The following LRRC69 variants were observed in gnomAD, a reference collection of about 807,000 sequenced individuals.
The protein encoded by LRRC69 is leucine-rich repeat-containing protein 69.
In LRRC69, 42 loss-of-function variants were observed where a neutral mutation model predicts 37.8. The ratio of observed to expected loss-of-function variants is 1.11; its 90% CI spans 0.87 to 1.44. The LOEUF (loss-of-function observed/expected upper bound fraction) is 1.44, where lower values mean the gene tolerates loss of function less well. Ranked by LOEUF, LRRC69 falls within the 40% of genes most tolerant of loss-of-function variation. The probability of loss-of-function intolerance (pLI) is 0.00; values close to 1 mark genes in which losing one functional copy is unlikely to be tolerated. For synonymous variants in LRRC69, 141 were observed against 143.1 expected, an observed-to-expected ratio of 0.99 and a Z score of 0.11; for missense variants, 357 against 401.9, an observed-to-expected ratio of 0.89 and a Z score of 0.96.
At chr8:91,183,521 T>C (rs1809356589) in intron 5 of LRRC69, among the ~76,000 whole-genome samples, 1 of 151,904 alleles carries the variant, frequency 6.6e-6, no homozygotes, top group African/African-American at 2.4e-5. Context: ...AAACAGTGAG[T>C]TTGACATGTG....
At chr8:91,137,783 G>T (rs774742389) in intron 5 of LRRC69, among the ~76,000 whole-genome samples, 15 of 151,922 alleles carry the variant, frequency 9.9e-5, no homozygotes, top group Non-Finnish European at 2.1e-4. Context: ...CAAAATCAAA[G>T]TTTCCCACAT....
intron 2 of LRRC69, 137 bp downstream of exon 2, chr8:91,124,756 T>C: frequency 1.5e-6 from 1 of 679,998 alleles, no homozygotes; most frequent in Non-Finnish European, 2.4e-6. Flanking sequence ...ACTCTTGAAA[T>C]ATAGGAGGAG....
At chr8:91,214,291 A>G (rs570611595) in intron 7 of LRRC69, among the ~76,000 whole-genome samples, 1 of 152,294 alleles carries the variant, frequency 6.6e-6, no homozygotes, top group East Asian at 1.9e-4. Context: ...CCCAAGTTGT[A>G]TCTTAGACAT....
At chr8:91,120,155 A>G (rs1004891177) in intron 1 of LRRC69, among the ~76,000 whole-genome samples, 1 of 151,998 alleles carries the variant, frequency 6.6e-6, no homozygotes, top group Non-Finnish European at 1.5e-5. Context: ...GCCCACTTCA[A>G]TTAGACTTTC....
intron 5 of LRRC69, among the ~76,000 whole-genome samples, chr8:91,161,887 G>A (rs4609161): frequency 0.21 from 31,810 of 151,134 alleles, 5,441 homozygotes; most frequent in African/African-American, 0.47. Flanking sequence ...TGTTGTAGGT[G>A]TTCATTGCTA....
At chr8:91,108,714 A>G (rs1251429532) in intron 1 of LRRC69, among the ~76,000 whole-genome samples, 2 of 151,978 alleles carry the variant, frequency 1.3e-5, no homozygotes, top group Non-Finnish European at 1.5e-5. Flanking sequence ...CTAAAATATT[A>G]TGAGATGTTT....
intron 5 of LRRC69, among the ~76,000 whole-genome samples, chr8:91,164,743 C>T (rs1415934629): frequency 6.6e-6 from 1 of 151,616 alleles, no homozygotes; most frequent in East Asian, 1.9e-4. Context: ...CTGAGGCTTT[C>T]AGAAAAGATT....
At chr8:91,206,579 A>G (rs1809809093) in intron 7 of LRRC69, 21 of 807,278 alleles carry the variant, frequency 2.6e-5, no homozygotes, top group Admixed American at 6.6e-5. Flanking sequence ...CCTGCTTTCC[A>G]CTGGTGATGT....
At chr8:91,109,340 G>T (rs988507670) in intron 1 of LRRC69, among the ~76,000 whole-genome samples, 2 of 152,150 alleles carry the variant, frequency 1.3e-5, no homozygotes, top group African/African-American at 4.8e-5. Flanking sequence ...GACCTGCCTT[G>T]ACTCATCTGA....
rs200394381 is a variant in LRRC69, at chr8:91,195,372, G to C, written c.754-5241G>C. Among the ~76,000 whole-genome samples, 5 of 151,414 alleles carry C rather than the reference G, an allele frequency of 3.3e-5. No individual in the cohort carries two copies. The East Asian group carries it at 9.8e-4, about 30-fold the overall frequency. ...ATGTCTATTAGGTCCGCTTGGTGCAGAGCTGAGTTCAATTCCTGGGTATCC... is the reference window on the plus strand; with the variant it reads ...ATGTCTATTAGGTCCGCTTGGTGCACAGCTGAGTTCAATTCCTGGGTATCC... On this transcript the variant is annotated intron_variant, in intron 6 of 7. Transcript: ENST00000448384.
chr8:91,134,747 C>T (rs1476609602), intron 4 of LRRC69, among the ~76,000 whole-genome samples: 1 of 151,988 alleles, frequency 6.6e-6, no homozygotes, highest in African/African-American at 2.4e-5. Context: ...TCATTTGTTC[C>T]AAATAACTCA....
At chr8:91,149,593 TTAAAG>T (rs1231338627) in intron 5 of LRRC69, among the ~76,000 whole-genome samples, 1 of 151,978 alleles carries the variant, frequency 6.6e-6, no homozygotes, top group Non-Finnish European at 1.5e-5. Flanking sequence ...CATATGAACT[TTAAAG>T]TAGTTTTTTC....
intron 5 of LRRC69, among the ~76,000 whole-genome samples, chr8:91,171,796 T>C (rs1809136998): frequency 6.6e-6 from 1 of 152,020 alleles, no homozygotes; most frequent in Non-Finnish European, 1.5e-5. Flanking sequence ...CTGTAGATTA[T>C]TTGGAAAATA....
At chr8:91,208,229 G>A (rs943999991) in intron 7 of LRRC69, among the ~76,000 whole-genome samples, 10 of 152,198 alleles carry the variant, frequency 6.6e-5, no homozygotes, top group Admixed American at 6.5e-4. Context: ...ACTTAGAGTT[G>A]TTGAAGTAGT....
chr8:91,201,055 A>G (rs937358804), intron 7 of LRRC69, among the ~76,000 whole-genome samples: 6 of 152,200 alleles, frequency 3.9e-5, no homozygotes. Flanking sequence ...TAATCAGTAA[A>G]TCCCTTTTGT....
At chr8:91,151,577 TA>T (rs1808738616) in intron 5 of LRRC69, among the ~76,000 whole-genome samples, 1 of 151,828 alleles carries the variant, frequency 6.6e-6, no homozygotes, top group African/African-American at 2.4e-5. Flanking sequence ...AAGTCTTTGC[TA>T]TTGTGAATAG....
intron 5 of LRRC69, among the ~76,000 whole-genome samples, chr8:91,159,419 C>G (rs1808897026): frequency 6.6e-6 from 1 of 151,064 alleles, no homozygotes; most frequent in African/African-American, 2.4e-5. Context: ...TTCTGCCAAG[C>G]CTTAACTGCA....
At position 91,163,438 on chromosome 8, in the gene LRRC69, C is replaced by CT. The variant is rs1284517658; in HGVS notation, c.652-26081dup. ...GTTGAATGAATGAATGACTGAATAG[C>CT]TTTATCATAGCCTTTGTCTGATTTC... On this transcript the variant is annotated intron_variant, in intron 5 of 7. Coordinates refer to ENST00000448384, the Ensembl canonical transcript of LRRC69. Among the ~76,000 whole-genome samples the CT allele has an allele frequency of 4.6e-5, 7 of 151,042 alleles. No homozygotes were observed. The East Asian group carries it at 1.4e-3, about 30-fold the overall frequency.
At chr8:91,103,574 A>G (rs527837363) in intron 1 of LRRC69, among the ~76,000 whole-genome samples, 2 of 152,150 alleles carry the variant, frequency 1.3e-5, no homozygotes, top group South Asian at 4.2e-4. Context: ...AATTGTCATC[A>G]GCACAGGAAG....
Sources: allele counts gnomAD v4.1 joint callset (sites outside exome capture counted in the v4.1 genomes callset), GRCh38; gene constraint gnomAD v4.1.1; transcripts MANE v1.5; gene names NCBI Gene and HGNC (gene_info 2026-07-23, HGNC 2026-07-21).